TMEM132C: variants seen among roughly 807,000 people sequenced by gnomAD.
TMEM132C encodes the protein protein phosphatase 1, regulatory subunit 152.
Under a neutral mutation model 61.4 loss-of-function variants are expected in TMEM132C, and 29 were observed. The observed-to-expected ratio is 0.47, with a 90% CI of 0.35 to 0.64. TMEM132C has a LOEUF of 0.64. Among genes scored for constraint, TMEM132C ranks in the 30% least tolerant of loss-of-function variants. The pLI is 0.00. For synonymous variants in TMEM132C, 656 were observed against 633.1 expected (o/e 1.04, Z -0.54); for missense variants, 1,408 against 1,476.9 (o/e 0.95, Z 0.76).
At chr12:128,700,238 T>G (rs908862500) in intron 8 of TMEM132C, among the ~76,000 whole-genome samples, 1 of 152,218 alleles carries the variant, frequency 6.6e-6, no homozygotes, top group African/African-American at 2.4e-5. Context: ...CAGACACGAC[T>G]CTTGAAAGGA....
intron 4 of TMEM132C, among the ~76,000 whole-genome samples, chr12:128,649,712 C>G (rs547191299): frequency 1.3e-5 from 2 of 152,194 alleles, no homozygotes; most frequent in Non-Finnish European, 2.9e-5. Flanking sequence ...AAAAAAATGC[C>G]ATTTCTCAGG....
At chr12:128,552,682 G>A (rs1874211593) in intron 3 of TMEM132C, among the ~76,000 whole-genome samples, 2 of 152,212 alleles carry the variant, frequency 1.3e-5, no homozygotes, top group African/African-American at 4.8e-5. Context: ...GCCGAGGCTG[G>A]TGGATCACCT....
chr12:128,569,790 C>T (rs536415147), intron 3 of TMEM132C, among the ~76,000 whole-genome samples: 2 of 152,296 alleles, frequency 1.3e-5, no homozygotes, highest in Admixed American at 6.5e-5. Flanking sequence ...ATTAATTTTT[C>T]ATTGTCTCCA....
At chr12:128,701,356 A>G (rs908694081) in intron 8 of TMEM132C, among the ~76,000 whole-genome samples, 1 of 152,066 alleles carries the variant, frequency 6.6e-6, no homozygotes, top group Non-Finnish European at 1.5e-5. Flanking sequence ...ACACAGGCTC[A>G]CCCCTCAGAG....
At position 128,277,248 on chromosome 12, in the gene TMEM132C, G is replaced by A. The variant is rs569526498; in HGVS notation, c.85+9761G>A. ...AAATAATTTGTTCAGTAACTGCAAA[G>A]TCCAGATAGACTTCAGGCACAGCTG... On this transcript the variant is annotated intron_variant, in intron 1 of 8. Coordinates refer to ENST00000435159, the MANE Select transcript of TMEM132C (RefSeq NM_001136103.3). Among the ~76,000 whole-genome samples, 17 of 152,328 alleles carry A rather than the reference G, an allele frequency of 1.1e-4. No homozygotes were observed. The East Asian group carries it at 3.3e-3, about 29-fold the overall frequency.
chr12:128,371,965 G>A (rs538521925), intron 1 of TMEM132C, among the ~76,000 whole-genome samples: 1 of 152,252 alleles, frequency 6.6e-6, no homozygotes, highest in East Asian at 1.9e-4. Flanking sequence ...GTGACATTTA[G>A]TCACTTTGCA....
chr12:128,501,125 C>A (rs554622461), intron 2 of TMEM132C, among the ~76,000 whole-genome samples: 1 of 152,292 alleles, frequency 6.6e-6, no homozygotes, highest in South Asian at 2.1e-4. Context: ...CCTTTGCATA[C>A]CTTCACTTCC....
At chr12:128,383,772 A>T (rs954442932) in intron 1 of TMEM132C, among the ~76,000 whole-genome samples, 4 of 152,164 alleles carry the variant, frequency 2.6e-5, no homozygotes, top group African/African-American at 9.7e-5. Context: ...AAGCCCAGGG[A>T]GGGAAAAGGC....
intron 1 of TMEM132C, among the ~76,000 whole-genome samples, chr12:128,315,807 G>A (rs1017164759): frequency 6.6e-6 from 1 of 151,946 alleles, no homozygotes; most frequent in Non-Finnish European, 1.5e-5. Flanking sequence ...AGAGACAGGA[G>A]GAGAAGGCCA....
At chr12:128,667,715 C>G (rs1954492609) in intron 4 of TMEM132C, among the ~76,000 whole-genome samples, 1 of 152,174 alleles carries the variant, frequency 6.6e-6, no homozygotes, top group African/African-American at 2.4e-5. Flanking sequence ...TTAGATGTCC[C>G]AAAGCCAAGG....
Position 128,522,991 on chromosome 12 carries a change from C to T in TMEM132C, c.975-20966C>T, listed in dbSNP as rs138240815. Among the ~76,000 whole-genome samples, 177 of 152,082 alleles carry T rather than the reference C, an allele frequency of 1.2e-3. 2 individuals are homozygous for T. The highest frequency in any genetic ancestry group is 8.9e-4 in the African/African-American group (37 of 41,476). Reference sequence around the variant, plus strand: ...AGCAGCAGTGTTTACAACAGTCAGACGGTAAAAGCAAGCCAAGTGCCTATA... The same window carrying T: ...AGCAGCAGTGTTTACAACAGTCAGATGGTAAAAGCAAGCCAAGTGCCTATA... On this transcript the variant is annotated intron_variant, in intron 2 of 8. Coordinates refer to ENST00000435159, the MANE Select transcript of TMEM132C (RefSeq NM_001136103.3).
chr12:128,670,308 C>G (rs1223756194), intron 5 of TMEM132C, among the ~76,000 whole-genome samples: 3 of 152,112 alleles, frequency 2.0e-5, no homozygotes, highest in African/African-American at 7.2e-5. Flanking sequence ...GACTCCATCT[C>G]AAATAATATA....
chr12:128,354,064 G>C (rs947097460), intron 1 of TMEM132C, among the ~76,000 whole-genome samples: 2 of 152,170 alleles, frequency 1.3e-5, no homozygotes, highest in Non-Finnish European at 2.9e-5. Flanking sequence ...AGGGTGGCTT[G>C]AGTCTCTTCA....
At chr12:128,300,712 C>T (rs929443370) in intron 1 of TMEM132C, among the ~76,000 whole-genome samples, 9 of 152,196 alleles carry the variant, frequency 5.9e-5, no homozygotes, top group Non-Finnish European at 8.8e-5. Context: ...ATACCAGGCT[C>T]TATTTATGGT....
chr12:128,318,550 C>A (rs919582030), intron 1 of TMEM132C, among the ~76,000 whole-genome samples: 1 of 152,200 alleles, frequency 6.6e-6, no homozygotes, highest in Admixed American at 6.5e-5. Flanking sequence ...TAATTACATT[C>A]TTAATTACAG....
chr12:128,402,146 C>T (rs192077154), intron 1 of TMEM132C, among the ~76,000 whole-genome samples: 2 of 152,232 alleles, frequency 1.3e-5, no homozygotes, highest in Non-Finnish European at 1.5e-5. Context: ...CAGGTGACCT[C>T]CAGAAAATGG....
chr12:128,563,915 T>C (rs1347443959), intron 3 of TMEM132C, among the ~76,000 whole-genome samples: 1 of 152,242 alleles, frequency 6.6e-6, no homozygotes, highest in Admixed American at 6.5e-5. Context: ...ACCTTGGCGA[T>C]GACCTTGAGC....
chr12:128,414,179 G>A (rs996958844), intron 1 of TMEM132C, among the ~76,000 whole-genome samples: 1 of 151,866 alleles, frequency 6.6e-6, no homozygotes. Flanking sequence ...TTGACCCCAG[G>A]AGTTCAAGAC....
intron 2 of TMEM132C, among the ~76,000 whole-genome samples, chr12:128,530,909 C>T (rs10161010): frequency 0.35 from 53,709 of 152,024 alleles, 10,294 homozygotes; most frequent in African/African-American, 0.5. Flanking sequence ...ACATTTATGA[C>T]TTATATTTGA....
Sources: allele counts gnomAD v4.1 joint callset (sites outside exome capture counted in the v4.1 genomes callset), GRCh38; gene constraint gnomAD v4.1.1; transcripts MANE v1.5; gene names NCBI Gene and HGNC (gene_info 2026-07-23, HGNC 2026-07-21).